The following CAGE1 variants were observed in gnomAD, a reference collection of about 807,000 sequenced individuals.
CAGE1 encodes the protein cancer antigen 1.
CAGE1 carries 66 observed loss-of-function variants against 94.9 expected under a neutral mutation model. The observed-to-expected ratio is 0.70, with a 90% CI of 0.57 to 0.85. The LOEUF (loss-of-function observed/expected upper bound fraction) is 0.85. Among genes scored for constraint, CAGE1 ranks in the 40% least tolerant of loss-of-function variants. CAGE1 has a pLI of 0.00. For missense variants in CAGE1, 865 were observed against 950.4 expected, an observed-to-expected ratio of 0.91 and a Z score of 1.18; for synonymous variants, 319 against 321.0, an observed-to-expected ratio of 0.99 and a Z score of 0.07.
chr6:7,350,307 T>A (rs1261237493), intron 11 of CAGE1, among the ~76,000 whole-genome samples: 1 of 152,090 alleles, frequency 6.6e-6, no homozygotes, highest in Non-Finnish European at 1.5e-5. Context: ...ACAATAATAC[T>A]GGGGGCTGGC....
chr6:7,345,170 T>C (rs1156759143), intron 11 of CAGE1, among the ~76,000 whole-genome samples: 1 of 148,298 alleles, frequency 6.7e-6, no homozygotes. Context: ...TTTTAGGAGC[T>C]ATGACACTCC....
intron 1 of CAGE1, among the ~76,000 whole-genome samples, chr6:7,387,863 C>CAAAAAAA (rs70978962): frequency 9.2e-6 from 1 of 108,938 alleles, no homozygotes; most frequent in African/African-American, 3.3e-5. Context: ...ACTAAAAATA[C>CAAAAAAA]AAAAAAAAAA....
intron 11 of CAGE1, among the ~76,000 whole-genome samples, chr6:7,345,052 G>A (rs1043138518): frequency 6.6e-6 from 1 of 152,222 alleles, no homozygotes; most frequent in Non-Finnish European, 1.5e-5. Context: ...AGCAGCGGCA[G>A]ATGGCTGGTG....
At chr6:7,328,650 T>C (rs1758614028) in intron 13 of CAGE1, among the ~76,000 whole-genome samples, 1 of 152,056 alleles carries the variant, frequency 6.6e-6, no homozygotes. Flanking sequence ...GGATACAAAA[T>C]GACAGCTAGA....
At chr6:7,350,238 G>A (rs949735145) in intron 11 of CAGE1, among the ~76,000 whole-genome samples, 2 of 152,052 alleles carry the variant, frequency 1.3e-5, no homozygotes, top group South Asian at 2.1e-4. Context: ...CCTAACACTG[G>A]AGCTCCCAAA....
At chr6:7,368,068 A>T (rs1229892503) in intron 7 of CAGE1, among the ~76,000 whole-genome samples, 2 of 152,024 alleles carry the variant, frequency 1.3e-5, no homozygotes, top group African/African-American at 4.8e-5. Flanking sequence ...CCTGGTCAAC[A>T]TGGTGAAGCC....
chr6:7,345,204 CT>C (rs10711563), intron 11 of CAGE1, among the ~76,000 whole-genome samples: 84,154 of 151,834 alleles, frequency 0.55, 25,890 homozygotes, highest in African/African-American at 0.84. Flanking sequence ...TAGTTTCACT[CT>C]TTGAAGTTAG....
chr6:7,352,302 A>ACAAC (rs1310830729), intron 11 of CAGE1, among the ~76,000 whole-genome samples: 2 of 102,184 alleles, frequency 2.0e-5, no homozygotes, highest in Non-Finnish European at 3.8e-5. Flanking sequence ...AAAAAAAAAA[A>ACAAC]AAACAAAAAA....
intron 11 of CAGE1, chr6:7,340,922 G>A: frequency 2.4e-6 from 1 of 418,028 alleles, no homozygotes; most frequent in Non-Finnish European, 4.7e-6. Flanking sequence ...CAAAGATGAG[G>A]TGGAACCGGC....
chr6:7,382,196 C>G (rs1442735227), intron 3 of CAGE1, among the ~76,000 whole-genome samples: 1 of 152,004 alleles, frequency 6.6e-6, no homozygotes, highest in East Asian at 1.9e-4. Context: ...AAATCTTTGT[C>G]AATTATACAT....
chr6:7,342,421 A>C (rs756940116), intron 11 of CAGE1, among the ~76,000 whole-genome samples: 1 of 152,046 alleles, frequency 6.6e-6, no homozygotes, highest in Non-Finnish European at 1.5e-5. Flanking sequence ...GCATCATCTC[A>C]ACAGCTGGGT....
At chr6:7,376,389 A>T (rs1230620056) in intron 4 of CAGE1, among the ~76,000 whole-genome samples, 2 of 141,596 alleles carry the variant, frequency 1.4e-5, no homozygotes, top group Non-Finnish European at 3.0e-5. Flanking sequence ...ACTCCATCTC[A>T]AAATAAATAA....
In CAGE1 at chr6:7,385,926, T is replaced by C. The variant is rs1252560499; in HGVS notation, c.196-54A>G. Reference sequence around the variant, plus strand: ...TCAAGCAAACATCACAAGCTTCTTCTAAAGGTATTTGCACATTGTTACATA... The same window carrying C: ...TCAAGCAAACATCACAAGCTTCTTCCAAAGGTATTTGCACATTGTTACATA... On this transcript the variant is annotated intron_variant, in intron 2 of 13. Coordinates refer to ENST00000502583, the MANE Select transcript of CAGE1 (RefSeq NM_001170692.2). 3.2e-6 allele frequency: 3 copies of C among 939,558 alleles called. No individual in the cohort carries two copies. The East Asian group carries it at 8.2e-5, about 26-fold the overall frequency. 58.2% of individuals were successfully genotyped at this position (939,558 alleles called of 1,614,324 possible). A position where few individuals can be genotyped will look rare whatever the true frequency, so the allele number is the denominator to read the frequency against.
intron 11 of CAGE1, among the ~76,000 whole-genome samples, chr6:7,351,920 A>G (rs187098300): frequency 1.6e-4 from 24 of 152,344 alleles, no homozygotes; most frequent in Admixed American, 7.2e-4. Flanking sequence ...CCCACAGCCA[A>G]CATAATACTG....
chr6:7,339,058 C>T lies in CAGE1; in HGVS notation c.2370-4968G>A. ...TGTCTGAGCAACACATGGCGCACAG[C>T]AGTGTCAACGTAGTAGTTAACAGGG... On this transcript the variant is annotated intron_variant, in intron 11 of 13. Transcript: ENST00000502583. The surrounding 1 kb of genome is among the most constrained non-coding windows in gnomAD (Gnocchi z 4.7). 6.2e-7 allele frequency: 1 copy of T among 1,605,118 alleles called. No homozygotes were observed. The highest frequency in any genetic ancestry group is 8.5e-7 in the Non-Finnish European group (1 of 1,173,052).
chr6:7,386,588 GT>G (rs1470920718), intron 2 of CAGE1, among the ~76,000 whole-genome samples: 1 of 152,172 alleles, frequency 6.6e-6, no homozygotes, highest in Non-Finnish European at 1.5e-5. Context: ...GAAAGGATCA[GT>G]TTTAACACTG....
At chr6:7,365,421 ATGT>A in intron 9 of CAGE1, 44 bp downstream of exon 9, 1 of 1,463,134 alleles carries the variant, frequency 6.8e-7, no homozygotes, top group Non-Finnish European at 9.4e-7. Context: ...TAGTAAAATA[ATGT>A]TGTGTATAAA....
At chr6:7,340,553 C>T (rs1389582061) in intron 11 of CAGE1, among the ~76,000 whole-genome samples, 3 of 152,134 alleles carry the variant, frequency 2.0e-5, no homozygotes, top group East Asian at 3.8e-4. Flanking sequence ...CCACCCCAAC[C>T]CCAATAAAAA....
intron 11 of CAGE1, among the ~76,000 whole-genome samples, chr6:7,335,733 C>T (rs7767370): frequency 0.011 from 1,739 of 152,266 alleles, 28 homozygotes; most frequent in African/African-American, 0.04. Context: ...TGCCACCACA[C>T]CTGACTAATT....
Sources: allele counts gnomAD v4.1 joint callset (sites outside exome capture counted in the v4.1 genomes callset), GRCh38; gene constraint gnomAD v4.1.1; non-coding constraint Gnocchi (gnomAD v3.1); transcripts MANE v1.5; gene names NCBI Gene and HGNC (gene_info 2026-07-23, HGNC 2026-07-21).